The following LRRC4C variants were observed in gnomAD, a reference collection of about 807,000 sequenced individuals.
The protein encoded by LRRC4C is leucine rich repeat containing 4C, also known as leucine-rich repeat-containing protein 4C.
LRRC4C carries 5 observed loss-of-function variants against 33.6 expected under a neutral mutation model. The ratio of observed to expected loss-of-function variants is 0.15; its 90% CI spans 0.08 to 0.31. LRRC4C has a LOEUF of 0.31. Ranked by LOEUF, LRRC4C falls within the 10% of genes least tolerant of loss-of-function variation. The pLI, the probability that LRRC4C is intolerant of heterozygous loss-of-function variation, is 1.00. For synonymous variants in LRRC4C, 329 were observed against 302.0 expected (o/e 1.09, Z -0.93); for missense variants, 560 against 796.7 (o/e 0.70, Z 3.58).
At chr11:40,321,550 T>C (rs1945849689) in intron 3 of LRRC4C, among the ~76,000 whole-genome samples, 1 of 152,200 alleles carries the variant, frequency 6.6e-6, no homozygotes, top group Non-Finnish European at 1.5e-5. Context: ...ACAACTTAGT[T>C]TAACCCAGAA....
chr11:40,312,009 T>C (rs1208209581), intron 4 of LRRC4C, among the ~76,000 whole-genome samples: 1 of 151,886 alleles, frequency 6.6e-6, no homozygotes, highest in Non-Finnish European at 1.5e-5. Context: ...TATGGTTTTG[T>C]ATGTCTCAGC....
chr11:40,900,826 T>G (rs570473977), intron 2 of LRRC4C, among the ~76,000 whole-genome samples: 1 of 152,214 alleles, frequency 6.6e-6, no homozygotes, highest in African/African-American at 2.4e-5. Context: ...TTATTTTACA[T>G]AAATATCTGT....
chr11:41,305,233 G>T lies in LRRC4C; in HGVS notation c.-496+154198C>A, dbSNP rs201715574. On this transcript the variant is annotated intron_variant, in intron 1 of 6. Transcript: ENST00000528697. ...GCCCCGTCCGGGAGGGAGGTGGGGG[G>T]GTCAGCCCCCCGCCCGGCCAGCCGC... Among the ~76,000 whole-genome samples the T allele has an allele frequency of 3.7e-5, 2 of 53,880 alleles. 1 individual carries two copies. The highest frequency in any genetic ancestry group is 1.4e-3 in the East Asian group (2 of 1,398). 35.3% of individuals were successfully genotyped at this position (53,880 alleles called of 152,430 possible). A position where few individuals can be genotyped will look rare whatever the true frequency, so the allele number is the denominator to read the frequency against.
chr11:41,182,341 G>T (rs913027500), intron 1 of LRRC4C, among the ~76,000 whole-genome samples: 2 of 152,144 alleles, frequency 1.3e-5, no homozygotes, highest in African/African-American at 4.8e-5. Flanking sequence ...AATTATATTA[G>T]TGACACAGAA....
At chr11:40,886,032 A>T (rs1196752738) in intron 2 of LRRC4C, among the ~76,000 whole-genome samples, 2 of 152,134 alleles carry the variant, frequency 1.3e-5, no homozygotes, top group Non-Finnish European at 2.9e-5. Flanking sequence ...GAATGTAGGC[A>T]GAAAATGAGA....
At chr11:40,497,398 C>T (rs986498117) in intron 3 of LRRC4C, among the ~76,000 whole-genome samples, 5 of 150,064 alleles carry the variant, frequency 3.3e-5, no homozygotes, top group African/African-American at 9.8e-5. Context: ...AAGTAAAATT[C>T]CATTAAAAAA....
intron 4 of LRRC4C, among the ~76,000 whole-genome samples, chr11:40,269,876 A>C (rs1942560043): frequency 6.6e-6 from 1 of 152,166 alleles, no homozygotes; most frequent in South Asian, 2.1e-4. Flanking sequence ...CTGGCTAATA[A>C]GTCTTTTCCT....
At chr11:40,134,486 G>A (rs1385592218) in intron 6 of LRRC4C, among the ~76,000 whole-genome samples, 1 of 152,146 alleles carries the variant, frequency 6.6e-6, no homozygotes, top group Non-Finnish European at 1.5e-5. Flanking sequence ...AAAACTCTAA[G>A]ATGAATGGTT....
At chr11:40,794,407 G>T (rs929695743) in intron 2 of LRRC4C, among the ~76,000 whole-genome samples, 3 of 148,520 alleles carry the variant, frequency 2.0e-5, no homozygotes, top group Non-Finnish European at 4.4e-5. Context: ...AAAATGTGGC[G>T]GACAGGGATC....
chr11:40,769,553 G>A (rs1949650899), intron 2 of LRRC4C, among the ~76,000 whole-genome samples: 1 of 152,024 alleles, frequency 6.6e-6, no homozygotes, highest in Admixed American at 6.6e-5. Context: ...CAAAACTGGA[G>A]GAATCACATC....
chr11:40,574,943 A>G (rs545046202), intron 3 of LRRC4C, among the ~76,000 whole-genome samples: 4 of 152,200 alleles, frequency 2.6e-5, no homozygotes, highest in Admixed American at 1.3e-4. Context: ...TGATAGCCAG[A>G]GTGTTGTCTA....
intron 2 of LRRC4C, among the ~76,000 whole-genome samples, chr11:40,675,571 CT>C (rs1944357135): frequency 1.3e-5 from 2 of 152,128 alleles, no homozygotes; most frequent in South Asian, 2.1e-4. Flanking sequence ...TCTCACAGCA[CT>C]TTTATAATTT....
At chr11:40,712,267 T>C (rs1275052532) in intron 2 of LRRC4C, among the ~76,000 whole-genome samples, 1 of 152,216 alleles carries the variant, frequency 6.6e-6, no homozygotes, top group Non-Finnish European at 1.5e-5. Context: ...CTTGAATATA[T>C]TGTATTTTCA....
At chr11:41,080,657 A>G (rs1213958700) in intron 1 of LRRC4C, among the ~76,000 whole-genome samples, 1 of 152,102 alleles carries the variant, frequency 6.6e-6, no homozygotes, top group Non-Finnish European at 1.5e-5. Context: ...CTGGCCTATC[A>G]GAATCTTTTC....
chr11:41,107,485 G>A (rs962714111), intron 1 of LRRC4C, among the ~76,000 whole-genome samples: 6 of 151,940 alleles, frequency 3.9e-5, no homozygotes, highest in Admixed American at 6.6e-5. Context: ...GAGTATTTAT[G>A]TTTTATTTCT....
intron 1 of LRRC4C, among the ~76,000 whole-genome samples, chr11:41,201,758 T>C (rs1016231845): frequency 1.3e-5 from 2 of 152,202 alleles, no homozygotes; most frequent in Non-Finnish European, 2.9e-5. Flanking sequence ...GATTTTAGCA[T>C]TGGCATTTTT....
At chr11:40,871,885 A>G (rs1374626626) in intron 2 of LRRC4C, among the ~76,000 whole-genome samples, 1 of 152,118 alleles carries the variant, frequency 6.6e-6, no homozygotes, top group Non-Finnish European at 1.5e-5. Context: ...GTAAATAAAA[A>G]TCTTTGAACT....
At chr11:40,923,073 C>G (rs1000877736) in intron 2 of LRRC4C, among the ~76,000 whole-genome samples, 4 of 152,280 alleles carry the variant, frequency 2.6e-5, no homozygotes, top group South Asian at 2.1e-4. Flanking sequence ...GATCTGCCCC[C>G]CTCAGCCTCC....
At chr11:40,131,279 T>A (rs1439524044) in intron 6 of LRRC4C, among the ~76,000 whole-genome samples, 1 of 152,174 alleles carries the variant, frequency 6.6e-6, no homozygotes, top group South Asian at 2.1e-4. Context: ...TTAGTTTAAA[T>A]GGCAAAGAGA....
Sources: allele counts gnomAD v4.1 joint callset (sites outside exome capture counted in the v4.1 genomes callset), GRCh38; gene constraint gnomAD v4.1.1; transcripts MANE v1.5; gene names NCBI Gene and HGNC (gene_info 2026-07-23, HGNC 2026-07-21).